The following CDC123 variants were observed in gnomAD, a reference collection of about 807,000 sequenced individuals.
CDC123 encodes cell division cycle 123.
In CDC123, 37 loss-of-function variants were observed where a neutral mutation model predicts 54.4. The observed-to-expected ratio is 0.68, with a 90% confidence interval of 0.52 to 0.89. The LOEUF is 0.89. Ranked by LOEUF, CDC123 falls within the 40% of genes least tolerant of loss-of-function variation. The pLI, the probability that CDC123 is intolerant of heterozygous loss-of-function variation, is 0.00. For synonymous variants in CDC123, 144 were observed against 136.8 expected (o/e 1.05, Z -0.37); for missense variants, 361 against 412.1 (o/e 0.88, Z 1.07).
intron 11 of CDC123, among the ~76,000 whole-genome samples, chr10:12,248,000 TC>T (rs1277539218): frequency 2.0e-5 from 3 of 148,222 alleles, no homozygotes; most frequent in Non-Finnish European, 3.0e-5. Context: ...CAAGACTGTC[TC>T]AAAAAAAAAA....
At chr10:12,233,638 G>A (rs1835934817) in intron 7 of CDC123, among the ~76,000 whole-genome samples, 2 of 151,728 alleles carry the variant, frequency 1.3e-5, no homozygotes, top group African/African-American at 4.8e-5. Context: ...TGCCTGTATG[G>A]GCTTTTAATA....
intron 6 of CDC123, among the ~76,000 whole-genome samples, chr10:12,225,773 T>A (rs1003404341): frequency 4.6e-5 from 5 of 109,304 alleles, no homozygotes; most frequent in African/African-American, 1.3e-4. Context: ...TTTTTTTTTT[T>A]AGTATTTATT....
chr10:12,213,373 C>G (rs551704319), intron 4 of CDC123, among the ~76,000 whole-genome samples: 1 of 152,110 alleles, frequency 6.6e-6, no homozygotes, highest in East Asian at 1.9e-4. Flanking sequence ...GAGGAGACAT[C>G]CAACAGACTC....
chr10:12,234,167 T>A (rs957509179), intron 7 of CDC123, among the ~76,000 whole-genome samples: 1 of 152,238 alleles, frequency 6.6e-6, no homozygotes, highest in African/African-American at 2.4e-5. Flanking sequence ...CAATCTCGGC[T>A]CACTGCAACC....
At chr10:12,233,028 G>A (rs1835923595) in intron 7 of CDC123, among the ~76,000 whole-genome samples, 1 of 151,960 alleles carries the variant, frequency 6.6e-6, no homozygotes, top group Non-Finnish European at 1.5e-5. Flanking sequence ...CAAAGTGCTG[G>A]GATTACAGGA....
chr10:12,224,069 C>T (rs535646419), intron 6 of CDC123, among the ~76,000 whole-genome samples: 3 of 152,088 alleles, frequency 2.0e-5, no homozygotes, highest in South Asian at 4.1e-4. Flanking sequence ...TATGCCTTTG[C>T]GTCTTCATAG....
intron 12 of CDC123, 101 bp from the exon 13 acceptor site, chr10:12,250,210 T>A: frequency 1.5e-6 from 1 of 674,076 alleles, no homozygotes; most frequent in Non-Finnish European, 2.5e-6. Context: ...TGACAATTTT[T>A]AATTACATCC....
chr10:12,221,196 A>G (rs897488077), intron 6 of CDC123, among the ~76,000 whole-genome samples: 1 of 152,110 alleles, frequency 6.6e-6, no homozygotes, highest in Non-Finnish European at 1.5e-5. Flanking sequence ...AATAGCTTAC[A>G]CATGGGATTT....
intron 2 of CDC123, among the ~76,000 whole-genome samples, chr10:12,199,498 AC>A (rs1344856244): frequency 6.6e-6 from 1 of 152,174 alleles, no homozygotes; most frequent in Non-Finnish European, 1.5e-5. Flanking sequence ...GAAAACAGGG[AC>A]TTGGCCCATT....
At chr10:12,242,288 C>T (rs911653174) in intron 10 of CDC123, among the ~76,000 whole-genome samples, 9 of 152,166 alleles carry the variant, frequency 5.9e-5, no homozygotes, top group African/African-American at 1.9e-4. Flanking sequence ...GAAGCATTTC[C>T]AGCCTTCCCT....
At chr10:12,245,904 C>T (rs1239507000) in intron 10 of CDC123, 12 of 346,054 alleles carry the variant, frequency 3.5e-5, no homozygotes, top group Middle Eastern at 8.2e-4. Flanking sequence ...GACCCTGTCT[C>T]GAAGAAAATA....
At chr10:12,243,636 T>C (rs1002114598) in intron 10 of CDC123, among the ~76,000 whole-genome samples, 4 of 151,628 alleles carry the variant, frequency 2.6e-5, no homozygotes, top group Non-Finnish European at 4.4e-5. Flanking sequence ...TACAAAAAAT[T>C]AGCTGGGCGT....
chr10:12,236,063 A>G (rs1443770836), intron 8 of CDC123, among the ~76,000 whole-genome samples: 7 of 152,242 alleles, frequency 4.6e-5, no homozygotes, highest in Non-Finnish European at 8.8e-5. Flanking sequence ...AGTAGCATGT[A>G]TGAACAAGAA....
intron 11 of CDC123, chr10:12,247,826 C>T (rs1323373108): frequency 6.6e-6 from 1 of 152,028 alleles, no homozygotes; most frequent in Non-Finnish European, 1.5e-5. Flanking sequence ...CGGTGAAAAC[C>T]TGTCTCTACT....
chr10:12,209,888 T>G, intron 2 of CDC123, 79 bp from the exon 3 acceptor site: 1 of 1,365,706 alleles, frequency 7.3e-7, no homozygotes, highest in Non-Finnish European at 1.0e-6. Context: ...TTTAAAAACA[T>G]ATACTCAGTA....
At chr10:12,229,969 G>A (rs889489481) in intron 6 of CDC123, among the ~76,000 whole-genome samples, 6 of 148,500 alleles carry the variant, frequency 4.0e-5, no homozygotes, top group Non-Finnish European at 7.4e-5. Context: ...CAATGACAGT[G>A]CCTTCCTGCC....
intron 10 of CDC123, among the ~76,000 whole-genome samples, chr10:12,242,333 C>T (rs1335792748): frequency 1.3e-5 from 2 of 152,182 alleles, no homozygotes; most frequent in East Asian, 1.9e-4. Flanking sequence ...TGTGCCTCTC[C>T]GCTCTCACAG....
intron 8 of CDC123, among the ~76,000 whole-genome samples, 192 bp from the exon 9 acceptor site, chr10:12,236,952 A>G (rs1479235372): frequency 1.3e-5 from 2 of 152,244 alleles, no homozygotes; most frequent in Admixed American, 6.5e-5. Context: ...GTAAGAAGAC[A>G]TGGCAATGTA....
At chr10:12,248,603 C>G (rs10906108) in intron 11 of CDC123, among the ~76,000 whole-genome samples, 3 of 148,744 alleles carry the variant, frequency 2.0e-5, no homozygotes, top group Non-Finnish European at 3.0e-5. Flanking sequence ...GTTGGGAGTT[C>G]GAGACCATCC....
Sources: allele counts gnomAD v4.1 joint callset (sites outside exome capture counted in the v4.1 genomes callset), GRCh38; gene constraint gnomAD v4.1.1; transcripts MANE v1.5; gene names NCBI Gene and HGNC (gene_info 2026-07-23, HGNC 2026-07-21).